The following CEP83 variants were observed in gnomAD, a reference collection of about 807,000 sequenced individuals.
The protein encoded by CEP83 is centrosomal protein of 83 kDa.
A neutral mutation model predicts 101.9 loss-of-function variants in CEP83; 70 were observed. The ratio of observed to expected loss-of-function variants is 0.69; its 90% confidence interval spans 0.57 to 0.84. CEP83 has a LOEUF of 0.84. Among genes scored for constraint, CEP83 ranks in the 40% least tolerant of loss-of-function variants. The probability of loss-of-function intolerance (pLI) is 0.00; values close to 1 mark genes in which losing one functional copy is unlikely to be tolerated. For missense variants in CEP83, 715 were observed against 787.2 expected, an observed-to-expected ratio of 0.91 and a Z score of 1.10; for synonymous variants, 264 against 267.9, an observed-to-expected ratio of 0.99 and a Z score of 0.14.
intron 6 of CEP83, among the ~76,000 whole-genome samples, chr12:94,399,724 GATCA>G (rs2063138334): frequency 6.6e-6 from 1 of 152,034 alleles, no homozygotes; most frequent in South Asian, 2.1e-4. Flanking sequence ...ACCTCCTCTT[GATCA>G]ATCAATCAAA....
chr12:94,396,663 C>A (rs750550075), intron 6 of CEP83, among the ~76,000 whole-genome samples: 10 of 152,024 alleles, frequency 6.6e-5, no homozygotes, highest in Non-Finnish European at 1.2e-4. Flanking sequence ...TTTATAATAT[C>A]ATCAGGGACA....
At chr12:94,455,410 T>G (rs1311751534) in intron 1 of CEP83, among the ~76,000 whole-genome samples, 1 of 152,188 alleles carries the variant, frequency 6.6e-6, no homozygotes. Context: ...GGGCAACAAC[T>G]CAGAAGCTAG....
At chr12:94,454,200 A>G (rs1447295741) in intron 1 of CEP83, among the ~76,000 whole-genome samples, 1 of 152,208 alleles carries the variant, frequency 6.6e-6, no homozygotes, top group East Asian at 1.9e-4. Flanking sequence ...GAACCATTTC[A>G]ACTTCATCCA....
At chr12:94,356,516 T>C (rs539725509) in intron 11 of CEP83, among the ~76,000 whole-genome samples, 21 of 152,310 alleles carry the variant, frequency 1.4e-4, no homozygotes, top group African/African-American at 4.1e-4. Context: ...TTAGTTCTAT[T>C]AGGCAGGAAT....
At chr12:94,371,515 C>T (rs1402948395) in intron 8 of CEP83, among the ~76,000 whole-genome samples, 1 of 152,078 alleles carries the variant, frequency 6.6e-6, no homozygotes, top group Non-Finnish European at 1.5e-5. Flanking sequence ...TTAATCAATA[C>T]AAACACAAAG....
downstream of CEP83, among the ~76,000 whole-genome samples, chr12:94,302,495 T>C (rs1222322523): frequency 2.6e-5 from 4 of 152,238 alleles, no homozygotes; most frequent in East Asian, 7.7e-4. Context: ...ACTTTCTTCA[T>C]TTGACTAATA....
At chr12:94,282,515 G>T in the CEP83 span, 1 of 714,604 alleles carries the variant, frequency 1.4e-6, no homozygotes, top group Non-Finnish European at 2.4e-6. Flanking sequence ...CTTGCAGATC[G>T]ATCGTGTCTG....
At chr12:94,322,134 A>G (rs2058773637) in intron 14 of CEP83, among the ~76,000 whole-genome samples, 1 of 152,098 alleles carries the variant, frequency 6.6e-6, no homozygotes, top group Non-Finnish European at 1.5e-5. Context: ...GTGAGGAGTA[A>G]CAGGATCAGG....
At chr12:94,403,792 C>T (rs1593763264) in intron 4 of CEP83, among the ~76,000 whole-genome samples, 5 of 151,600 alleles carry the variant, frequency 3.3e-5, no homozygotes. Flanking sequence ...CTTTATTCAC[C>T]GTTGTATTCC....
chr12:94,390,517 G>A (rs1234995272), intron 6 of CEP83, among the ~76,000 whole-genome samples: 2 of 152,162 alleles, frequency 1.3e-5, no homozygotes, highest in Admixed American at 1.3e-4. Context: ...AAAAGATGGG[G>A]AGAAACCAGA....
intron 1 of CEP83, among the ~76,000 whole-genome samples, chr12:94,456,225 G>T (rs1163328927): frequency 1.3e-5 from 2 of 152,116 alleles, no homozygotes; most frequent in Non-Finnish European, 2.9e-5. Context: ...GCATTCCTGA[G>T]AGTCCTTACT....
chr12:94,366,834 C>T (rs1248374339), intron 11 of CEP83, among the ~76,000 whole-genome samples: 1 of 151,984 alleles, frequency 6.6e-6, no homozygotes, highest in Non-Finnish European at 1.5e-5. Flanking sequence ...CACAGAACAT[C>T]CTGTAATGAC....
At chr12:94,420,335 T>C (rs2064625722) in intron 2 of CEP83, among the ~76,000 whole-genome samples, 1 of 152,226 alleles carries the variant, frequency 6.6e-6, no homozygotes, top group Admixed American at 6.5e-5. Flanking sequence ...TATATGATAC[T>C]GTTCATAGCA....
chr12:94,457,037 G>A (rs1475153122), intron 1 of CEP83, among the ~76,000 whole-genome samples: 1 of 152,100 alleles, frequency 6.6e-6, no homozygotes, highest in African/African-American at 2.4e-5. Context: ...GAACCTTATA[G>A]AAAAGGTACA....
intron 5 of CEP83, 87 bp from the exon 6 acceptor site, chr12:94,401,068 AC>A: frequency 1.5e-6 from 1 of 687,378 alleles, no homozygotes. Flanking sequence ...ATTTTAAATT[AC>A]ATTATAATGA....
At chr12:94,355,997 C>G (rs2060454005) in intron 11 of CEP83, among the ~76,000 whole-genome samples, 1 of 152,212 alleles carries the variant, frequency 6.6e-6, no homozygotes, top group African/African-American at 2.4e-5. Context: ...CTTCACACCT[C>G]TATATTTCTG....
At chr12:94,404,695 A>G (rs1278704990) in intron 4 of CEP83, among the ~76,000 whole-genome samples, 1 of 152,126 alleles carries the variant, frequency 6.6e-6, no homozygotes, top group African/African-American at 2.4e-5. Context: ...ATTTACTTTA[A>G]AAATTTATTT....
intron 4 of CEP83, among the ~76,000 whole-genome samples, chr12:94,411,331 CTT>C (rs894380852): frequency 1.3e-5 from 2 of 151,892 alleles, no homozygotes; most frequent in Non-Finnish European, 2.9e-5. Flanking sequence ...AATAGCTGTC[CTT>C]TTTTAGCTTT....
At chr12:94,326,566 G>A (rs867934734) in intron 14 of CEP83, among the ~76,000 whole-genome samples, 2 of 152,156 alleles carry the variant, frequency 1.3e-5, no homozygotes, top group South Asian at 4.1e-4. Flanking sequence ...GCTGGTATTG[G>A]AAAACACCCT....
Sources: gnomAD v4.1 joint callset for allele counts (sites outside exome capture counted in the v4.1 genomes callset) on GRCh38, gnomAD v4.1.1 for gene constraint, MANE v1.5 for transcripts, NCBI Gene and HGNC (gene_info 2026-07-23, HGNC 2026-07-21) for gene names.